The following LARP1B variants were observed in gnomAD, a reference collection of about 807,000 sequenced individuals.
LARP1B encodes the protein la-related protein 1B.
LARP1B carries 76 observed loss-of-function variants against 114.2 expected under a neutral mutation model. That is an observed-to-expected ratio of 0.67 (90% CI 0.55 to 0.81). The LOEUF is 0.81. LARP1B is among the 30% of genes least tolerant of loss of function. The probability of loss-of-function intolerance (pLI) is 0.00; values close to 1 mark genes in which losing one functional copy is unlikely to be tolerated. For synonymous variants in LARP1B, 345 were observed against 348.0 expected, an observed-to-expected ratio of 0.99 and a Z score of 0.10; for missense variants, 1,014 against 1,075.8, an observed-to-expected ratio of 0.94 and a Z score of 0.80.
At chr4:128,155,901 C>T (rs1397327900) in intron 11 of LARP1B, 1 of 1,548,938 alleles carries the variant, frequency 6.5e-7, no homozygotes, top group South Asian at 1.1e-5. Context: ...ACTGACCCAT[C>T]TGCAAAATCC....
intron 11 of LARP1B, among the ~76,000 whole-genome samples, chr4:128,156,594 G>A (rs1735785041): frequency 6.6e-6 from 1 of 151,848 alleles, no homozygotes; most frequent in African/African-American, 2.4e-5. Flanking sequence ...GACAGAAGGT[G>A]CCACTTTACC....
At position 128,122,177 on chromosome 4, in the gene LARP1B, A is replaced by G. The variant is rs78670309; in HGVS notation, c.1513A>G (p.Thr505Ala). 4 of 1,613,824 alleles carry G rather than the reference A, an allele frequency of 2.5e-6. No individual in the cohort carries two copies. The highest frequency in any genetic ancestry group is 3.4e-6 in the Non-Finnish European group (4 of 1,179,786). ...GATGGAAGAAGATGAAAACAAACAC[A>G]CAGCCATAAAGGTAATTGTTTCTGG... ...LWMEEDENKH[T>A]AIKQEVENFK... The change falls in exon 11 of 20, where the codon ACA becomes GCA. Residue 505 changes from threonine (T) to alanine (A), a missense_variant. Physicochemically the swap from Thr to Ala is moderately conservative, Grantham distance 58. Transcript: ENST00000326639.
rs1187665946 is a variant in LARP1B, at chr4:128,091,340, C to A, written c.503-7C>A. ...GATTACCTTTCTTTTTCTTTATTCA[C>A]ATCAAGTGAACTTTGATTATTCATA... On this transcript the variant is annotated splice_polypyrimidine_tract_variant and splice_region_variant and intron_variant, in intron 6 of 19. Coordinates refer to ENST00000326639, the MANE Select transcript of LARP1B (RefSeq NM_018078.4). 2 of 1,601,794 alleles carry A rather than the reference C, an allele frequency of 1.2e-6. No individual in the cohort carries two copies. The highest frequency in any genetic ancestry group is 2.3e-5 in the South Asian group (2 of 88,544).
At chr4:128,153,490 GA>G (rs1377489450) in intron 11 of LARP1B, among the ~76,000 whole-genome samples, 2 of 151,996 alleles carry the variant, frequency 1.3e-5, no homozygotes, top group African/African-American at 4.8e-5. Context: ...ACTTTTAGTA[GA>G]GATGGGGTTT....
At chr4:128,221,655 C>T (rs916007294) in intron 7 of LARP1B, among the ~76,000 whole-genome samples, 2 of 152,144 alleles carry the variant, frequency 1.3e-5, no homozygotes, top group African/African-American at 4.8e-5. Flanking sequence ...CAAACATTAT[C>T]ACAGTACTGT....
At position 128,209,892 on chromosome 4, in the gene LARP1B, T is replaced by G; in HGVS notation, c.2584T>G (p.Ser862Ala). The change falls in exon 20 of 20, where the codon TCC becomes GCC. Residue 862 changes from serine (S) to alanine (A), a missense_variant. Physicochemically the swap from Ser to Ala is moderately conservative, Grantham distance 99. Transcript: ENST00000326639. ...TGATGAATTTGGAAGAAAAAGACAT[T>G]CCTCTACTTCTGGTGAGGAGAGTAA... The part of the protein sequence containing the change: ...ISDEFGRKRH[S>A]STSGEESNRH... 6.2e-7 allele frequency: 1 copy of G among 1,614,024 alleles called. No individual in the cohort carries two copies. The highest frequency in any genetic ancestry group is 8.5e-7 in the Non-Finnish European group (1 of 1,179,950).
Position 128,121,823 on chromosome 4 carries a change from C to T in LARP1B, c.1162-3C>T. ...TATATAAATTACCAATTTCTTCCTTCAGGAATCAGTGTCTGTCCCTGAAGG... is the reference window on the plus strand; with the variant it reads ...TATATAAATTACCAATTTCTTCCTTTAGGAATCAGTGTCTGTCCCTGAAGG... On this transcript the variant is annotated splice_polypyrimidine_tract_variant and splice_region_variant and intron_variant, in intron 10 of 19. Coordinates refer to ENST00000326639, the MANE Select transcript of LARP1B (RefSeq NM_018078.4). 1 of 1,517,696 alleles carries T rather than the reference C, an allele frequency of 6.6e-7. No individual in the cohort carries two copies. Among genetic ancestry groups the T allele is most frequent in the Middle Eastern group, 2.2e-4 (1 of 4,532 alleles). The allele number at this position is 1,517,696 out of a possible 1,614,324, so 94.0% of individuals were successfully genotyped here.
chr4:128,185,605 G>A (rs78597859), intron 15 of LARP1B, among the ~76,000 whole-genome samples: 1,933 of 151,352 alleles, frequency 0.013, 26 homozygotes, highest in Non-Finnish European at 0.018. Flanking sequence ...TGGATGGATA[G>A]TTTGCAAATA....
At chr4:128,144,533 A>C (rs1236885730) in intron 11 of LARP1B, among the ~76,000 whole-genome samples, 2 of 151,242 alleles carry the variant, frequency 1.3e-5, no homozygotes, top group African/African-American at 4.9e-5. Flanking sequence ...TGTTTTTTTG[A>C]GATATTACCC....
intron 12 of LARP1B, among the ~76,000 whole-genome samples, chr4:128,171,277 C>T (rs115892810): frequency 0.014 from 2,182 of 152,010 alleles, 25 homozygotes; most frequent in Non-Finnish European, 0.022. Flanking sequence ...TACAGGTGCA[C>T]GCCACAAAGC....
chr4:128,064,734 G>A (rs1761748819), intron 1 of LARP1B, among the ~76,000 whole-genome samples: 1 of 152,026 alleles, frequency 6.6e-6, no homozygotes, highest in South Asian at 2.1e-4. Flanking sequence ...CAGTATCATA[G>A]ATTTTAAAAC....
chr4:128,196,320 C>T (rs1754103247), intron 15 of LARP1B, among the ~76,000 whole-genome samples: 1 of 149,538 alleles, frequency 6.7e-6, no homozygotes, highest in Admixed American at 6.7e-5. Context: ...AAATTAACAC[C>T]CAGCCTGCGC....
At chr4:128,071,051 A>AT in intron 1 of LARP1B, among the ~76,000 whole-genome samples, 2 of 151,002 alleles carry the variant, frequency 1.3e-5, no homozygotes, top group Non-Finnish European at 3.0e-5. Context: ...TTTTATTTTT[A>AT]TTTTTTATTT....
chr4:128,190,789 G>GA (rs1449164550), intron 15 of LARP1B, among the ~76,000 whole-genome samples: 1 of 152,166 alleles, frequency 6.6e-6, no homozygotes, highest in Non-Finnish European at 1.5e-5. Context: ...ATAGCAGAGT[G>GA]AAAATGGACT....
At chr4:128,142,442 TAC>T (rs951534575) in intron 11 of LARP1B, among the ~76,000 whole-genome samples, 2 of 152,092 alleles carry the variant, frequency 1.3e-5, no homozygotes, top group African/African-American at 4.8e-5. Context: ...GCCATCAAAG[TAC>T]AGTCTGTGGA....
At chr4:128,122,839 A>G (rs1392150208) in intron 11 of LARP1B, 2 of 1,050,578 alleles carry the variant, frequency 1.9e-6, no homozygotes, top group Admixed American at 5.3e-5. Flanking sequence ...AAGGTAAAAT[A>G]GAGAACCAGA....
At chr4:128,085,633 G>A (rs962408771) in intron 5 of LARP1B, among the ~76,000 whole-genome samples, 2 of 152,178 alleles carry the variant, frequency 1.3e-5, no homozygotes, top group African/African-American at 4.8e-5. Flanking sequence ...CTCCCGAAGT[G>A]TTGGGATTAC....
At chr4:128,216,573 A>G (rs930666726), downstream of LARP1B, among the ~76,000 whole-genome samples, 3 of 150,706 alleles carry the variant, frequency 2.0e-5, no homozygotes, top group East Asian at 1.9e-4. Context: ...GAAGGCAGAA[A>G]TAAAGATGTT....
At chr4:128,136,261 T>C (rs1453349264) in intron 11 of LARP1B, among the ~76,000 whole-genome samples, 1 of 151,292 alleles carries the variant, frequency 6.6e-6, no homozygotes, top group Non-Finnish European at 1.5e-5. Context: ...CCATCGTACT[T>C]CAGTCTGGGA....
Sources: gnomAD v4.1 joint callset for allele counts (sites outside exome capture counted in the v4.1 genomes callset) on GRCh38, gnomAD v4.1.1 for gene constraint, MANE v1.5 for transcripts, NCBI Gene and HGNC (gene_info 2026-07-23, HGNC 2026-07-21) for gene names.